NYX: variants seen among roughly 807,000 people sequenced by gnomAD.
NYX encodes the protein leucine-rich repeat protein.
For synonymous variants in NYX, 258 were observed against 245.7 expected, an observed-to-expected ratio of 1.05 and a Z score of -0.47; for missense variants, 481 against 485.4, an observed-to-expected ratio of 0.99 and a Z score of 0.09.
rs1461680024 is a variant in NYX at position 41,474,082 on chromosome X, C to T, written c.614C>T (p.Ser205Leu). ...SSLQGLRRLR[S>L]LSLQANRVRA... is the part of the protein sequence containing the mutation. ...CTGCAGGGCCTGCGCCGCCTGCGCT[C>T]GCTCAGCCTGCAGGCCAACCGCGTC... The change falls in exon 3 of 3, where the codon TCG becomes TTG. Residue 205 changes from serine to leucine, a missense_variant. Ser to Leu is a moderately radical substitution (Grantham distance 145). Coordinates refer to ENST00000378220, the MANE Select transcript of NYX (RefSeq NM_001378477.3). 9.2e-7 allele frequency: 1 copy of T among 1,089,503 alleles called. No homozygotes were observed. Among genetic ancestry groups the T allele is most frequent in the Admixed American group, 3.6e-5 (1 of 27,837 alleles). 89.8% of individuals were successfully genotyped at this position (1,089,503 alleles called of 1,213,427 possible).
chrX:41,474,925 T>C lies in NYX; in HGVS notation c.*26T>C. On this transcript the variant is annotated 3_prime_UTR_variant, in exon 3 of 3. Coordinates refer to ENST00000378220, the MANE Select transcript of NYX (RefSeq NM_001378477.3). ...CCTGGCCAGAGGGGGGAAAGTTTGC[T>C]TAACTGGGCTTGAGTGTGTTTGTGG... 1 of 1,143,098 alleles carries C rather than the reference T, an allele frequency of 8.7e-7. No individual in the cohort carries two copies. Among genetic ancestry groups the C allele is most frequent in the Non-Finnish European group, 1.2e-6 (1 of 842,775 alleles). The allele number at this position is 1,143,098 out of a possible 1,213,427, so 94.2% of individuals were successfully genotyped here. A position where few individuals can be genotyped will look rare whatever the true frequency, so the allele number is the denominator to read the frequency against.
intron 2 of NYX, among the ~76,000 whole-genome samples, chrX:41,450,770 T>C (rs2064276299): frequency 9.9e-6 from 1 of 101,017 alleles, no homozygotes; most frequent in South Asian, 4.6e-4. Flanking sequence ...CTCAGCCTCC[T>C]GAGTAGCTGG....
At position 41,473,806 on chromosome X, in the gene NYX, C is replaced by A; in HGVS notation, c.338C>A (p.Ala113Glu). The change falls in exon 3 of 3, where the codon GCG becomes GAG. Residue 113 changes from alanine to glutamate, a missense_variant. By Grantham distance (107) the Ala-to-Glu change is moderately radical. Coordinates refer to ENST00000378220, the MANE Select transcript of NYX (RefSeq NM_001378477.3). ...GLPRLAELRL[A>E]HNGDLRYLHA... ...CCGCGCCTGGCTGAGCTGCGCCTGG[C>A]GCACAACGGCGACCTGCGCTACCTG... 8.9e-7 allele frequency: 1 copy of A among 1,118,771 alleles called. No homozygotes were observed. The highest frequency in any genetic ancestry group is 1.2e-6 in the Non-Finnish European group (1 of 855,619). The allele number at this position is 1,118,771 out of a possible 1,213,427, so 92.2% of individuals were successfully genotyped here. A position where few individuals can be genotyped will look rare whatever the true frequency, so the allele number is the denominator to read the frequency against.
intron 2 of NYX, among the ~76,000 whole-genome samples, chrX:41,464,985 C>T (rs753980492): frequency 5.3e-4 from 59 of 111,255 alleles, no homozygotes; most frequent in African/African-American, 1.8e-3. Context: ...TTATCTTATT[C>T]AATAATTTTT....
chrX:41,456,065 C>T (rs1475125561), intron 2 of NYX, among the ~76,000 whole-genome samples: 4 of 111,649 alleles, frequency 3.6e-5, no homozygotes, highest in East Asian at 2.8e-4. Context: ...TGGCTGGGTG[C>T]GGTGGCTCAT....
Position 41,459,206 on chromosome X carries a change from A to G in NYX, c.22+11280A>G, listed in dbSNP as rs1014372122. 5.4e-5 allele frequency among the ~76,000 whole-genome samples: 6 copies of G among 112,066 alleles called. No homozygotes were observed. In the Admixed American group the frequency reaches 5.7e-4, roughly 11 times the overall value. ...CCCAGATAACATATGTTACCACAGT[A>G]CCTAAACTATGTCCTGTAGATATTT... On this transcript the variant is annotated intron_variant, in intron 2 of 2. Transcript: ENST00000378220.
At chrX:41,471,841 T>A (rs1251866628) in intron 2 of NYX, among the ~76,000 whole-genome samples, 339 of 108,677 alleles carry the variant, frequency 3.1e-3, no homozygotes, top group East Asian at 9.8e-3. Flanking sequence ...GTATTTTTTT[T>A]TTTTTTTCCC....
chrX:41,463,149 G>A (rs2064326017), intron 2 of NYX, among the ~76,000 whole-genome samples: 1 of 111,215 alleles, frequency 9.0e-6, no homozygotes, highest in African/African-American at 3.3e-5. Context: ...AATGAATTTT[G>A]CGTATGGTGT....
At position 41,474,867 on chromosome X, in the gene NYX, C is replaced by T; in HGVS notation, c.1399C>T (p.Gln467Ter). Residue 467 changes from glutamine to a stop codon, truncating the protein, a stop_gained, in exon 3 of 3, where the codon CAG (glutamine) becomes TAG (stop). Transcript: ENST00000378220. LOFTEE classifies it high-confidence loss of function. The stretch of plus-strand genomic sequence containing the variant: ...CTCTTGTCTCCTGCCCAGCGTGGCC[C>T]AGCACGTGGTGTTTGGCCTGCAGAT... ...LASCLLPSVA[Q>*]HVVFGLQMD The T allele has an allele frequency of 8.3e-7, 1 of 1,206,614 alleles. No individual in the cohort carries two copies. Among genetic ancestry groups the T allele is most frequent in the Non-Finnish European group, 1.1e-6 (1 of 893,760 alleles).
In NYX at chrX:41,474,798, C is replaced by G; in HGVS notation, c.1330C>G (p.Arg444Gly). The change falls in exon 3 of 3, where the codon CGT (arginine) becomes GGT (glycine). Residue 444 changes from arginine (R) to glycine (G), a missense_variant. Coordinates refer to ENST00000378220, the MANE Select transcript of NYX (RefSeq NM_001378477.3). ...CTCCCTGTCCGACAGCCTCTCCTCCCGTGGGGTGGGAGGCGCGGGCCGGCA... is the reference window on the plus strand; with the variant it reads ...CTCCCTGTCCGACAGCCTCTCCTCCGGTGGGGTGGGAGGCGCGGGCCGGCA... ...NASLSDSLSS[R>G]GVGGAGRQPW... 8.3e-7 allele frequency: 1 copy of G among 1,202,128 alleles called. No individual in the cohort carries two copies. The highest frequency in any genetic ancestry group is 1.1e-6 in the Non-Finnish European group (1 of 891,639).
chrX:41,470,123 A>G (rs1327161616), intron 2 of NYX, among the ~76,000 whole-genome samples: 1 of 108,587 alleles, frequency 9.2e-6, no homozygotes, highest in East Asian at 2.9e-4. Flanking sequence ...CAGAAAAAAA[A>G]AATTGATTGA....
In NYX at chrX:41,474,485, G is replaced by A; in HGVS notation, c.1017G>A (p.Leu339=). The change falls in exon 3 of 3, where the codon CTG becomes CTA. Residue 339 remains leucine (L), a synonymous_variant. Transcript: ENST00000378220. The part of the protein sequence containing the change: ...FRNPWCCDCR[L]EWLRDWMEGS... ...ACCCGTGGTGCTGCGACTGCCGTCT[G>A]GAGTGGCTGAGGGACTGGATGGAGG... 1 of 1,209,314 alleles carries A rather than the reference G, an allele frequency of 8.3e-7. No individual in the cohort carries two copies. The highest frequency in any genetic ancestry group is 1.1e-6 in the Non-Finnish European group (1 of 895,335).
At chrX:41,461,880 C>T (rs1488854021) in intron 2 of NYX, among the ~76,000 whole-genome samples, 2 of 111,299 alleles carry the variant, frequency 1.8e-5, no homozygotes, top group Non-Finnish European at 3.8e-5. Flanking sequence ...CGGCTCACTG[C>T]AACCTCTGCC....
Position 41,447,899 on chromosome X carries a change from C to T in NYX, c.-6C>T, listed in dbSNP as rs371622974. Reference sequence around the variant, plus strand: ...CTAAGCCACTGGGTGGATGAAAGGCCGAGGGATGTTGGTCCTGCTTCTGCA... The same window carrying T: ...CTAAGCCACTGGGTGGATGAAAGGCTGAGGGATGTTGGTCCTGCTTCTGCA... On this transcript the variant is annotated 5_prime_UTR_variant, in exon 2 of 3. It introduces an in-frame stop codon into an upstream open reading frame of the 5' UTR. Coordinates refer to ENST00000378220, the MANE Select transcript of NYX (RefSeq NM_001378477.3). The T allele has an allele frequency of 7.4e-6, 9 of 1,208,675 alleles. No individual in the cohort carries two copies. Among genetic ancestry groups the T allele is most frequent in the Non-Finnish European group, 6.7e-6 (6 of 894,700 alleles).
intron 2 of NYX, among the ~76,000 whole-genome samples, chrX:41,463,213 G>T (rs982732009): frequency 1.8e-5 from 2 of 111,571 alleles, no homozygotes; most frequent in East Asian, 5.6e-4. Context: ...ATGCATCCTT[G>T]TCGTGGTCTA....
intron 2 of NYX, among the ~76,000 whole-genome samples, chrX:41,450,196 ACTT>A (rs1216981106): frequency 8.9e-6 from 1 of 111,813 alleles, no homozygotes; most frequent in African/African-American, 3.3e-5. Flanking sequence ...GAAACCCTTA[ACTT>A]CTTTTACAGG....
chrX:41,472,484 C>T (rs993466158), intron 2 of NYX: 11 of 731,913 alleles, frequency 1.5e-5, no homozygotes, highest in South Asian at 4.6e-5. Context: ...GGCTCGGGCC[C>T]GCTGCTTCTG....
In NYX at chrX:41,474,966, C is replaced by T. The variant is rs1258766526; in HGVS notation, c.*67C>T. 4.1e-6 allele frequency: 4 copies of T among 983,506 alleles called. No homozygotes were observed. The highest frequency in any genetic ancestry group is 4.2e-6 in the Non-Finnish European group (3 of 707,150). 81.1% of individuals were successfully genotyped at this position (983,506 alleles called of 1,213,427 possible). A position where few individuals can be genotyped will look rare whatever the true frequency, so the allele number is the denominator to read the frequency against. ...GTGTTTGTGGTAAGGGGAGAGGAGC[C>T]GGAATGGAGGGCAGAGGTGAAAATC... On this transcript the variant is annotated 3_prime_UTR_variant, in exon 3 of 3. Transcript: ENST00000378220.
rs527481596 is a variant in NYX at position 41,474,204 on chromosome X, C to T, written c.736C>T (p.Arg246Cys). The change falls in exon 3 of 3, where the codon CGC becomes TGC. Residue 246 changes from arginine to cysteine, a missense_variant. Arg to Cys is a radical substitution (Grantham distance 180). Transcript: ENST00000378220. ...LLAELPADAF[R>C]GLRRLRTLNL... ...GGCCGAGCTCCCGGCCGACGCCTTCCGCGGCCTGCGGCGCCTGCGCACGCT... is the reference window on the plus strand; with the variant it reads ...GGCCGAGCTCCCGGCCGACGCCTTCTGCGGCCTGCGGCGCCTGCGCACGCT... 4 of 1,178,489 alleles carry T rather than the reference C, an allele frequency of 3.4e-6. No homozygotes were observed. The highest frequency in any genetic ancestry group is 3.5e-5 in the African/African-American group (2 of 57,288).
Sources: allele counts gnomAD v4.1 joint callset (sites outside exome capture counted in the v4.1 genomes callset), GRCh38; gene constraint gnomAD v4.1.1; transcripts MANE v1.5; gene names NCBI Gene and HGNC (gene_info 2026-07-23, HGNC 2026-07-21).